Variants in PTPRN2 observed in about 807,000 individuals in gnomAD.
PTPRN2 encodes protein tyrosine phosphatase receptor type N2, also known as receptor-type tyrosine-protein phosphatase N2.
In PTPRN2, 74 loss-of-function variants were observed where a neutral mutation model predicts 118.8. The ratio of observed to expected loss-of-function variants is 0.62; its 90% CI spans 0.52 to 0.76. PTPRN2 has a LOEUF of 0.76. PTPRN2 is among the 30% of genes least tolerant of loss of function. The pLI, the probability that PTPRN2 is intolerant of heterozygous loss-of-function variation, is 0.00. For synonymous variants in PTPRN2, 641 were observed against 608.0 expected (o/e 1.05, Z -0.80); for missense variants, 1,481 against 1,394.4 (o/e 1.06, Z -0.99).
intron 11 of PTPRN2, among the ~76,000 whole-genome samples, chr7:158,015,000 C>T (rs57366560): frequency 0.014 from 2,142 of 152,326 alleles, 49 homozygotes; most frequent in African/African-American, 0.049. Flanking sequence ...AGAATAAGAA[C>T]TTCTCCTGAA....
At chr7:157,733,371 C>T (rs1190045070) in intron 12 of PTPRN2, among the ~76,000 whole-genome samples, 2 of 77,416 alleles carry the variant, frequency 2.6e-5, no homozygotes, top group African/African-American at 1.3e-4. Flanking sequence ...TACTCTTTTC[C>T]GTCCCATGCG....
chr7:157,966,089 A>G (rs1208960422), intron 11 of PTPRN2, among the ~76,000 whole-genome samples: 1 of 151,970 alleles, frequency 6.6e-6, no homozygotes, highest in African/African-American at 2.4e-5. Context: ...TTCCAACAGG[A>G]GTACTCAGCC....
At chr7:157,739,771 A>T (rs1268005880) in intron 12 of PTPRN2, among the ~76,000 whole-genome samples, 1 of 152,222 alleles carries the variant, frequency 6.6e-6, no homozygotes, top group Non-Finnish European at 1.5e-5. Flanking sequence ...TGTTTTTGGG[A>T]CACTCCAAGA....
intron 10 of PTPRN2, among the ~76,000 whole-genome samples, chr7:158,094,705 A>C (rs1399160400): frequency 1.3e-5 from 2 of 152,200 alleles, no homozygotes; most frequent in Non-Finnish European, 2.9e-5. Flanking sequence ...AACATTTAGA[A>C]GTAGAAGCAT....
intron 1 of PTPRN2, among the ~76,000 whole-genome samples, chr7:158,514,563 C>T (rs1324612546): frequency 6.6e-6 from 1 of 152,152 alleles, no homozygotes; most frequent in African/African-American, 2.4e-5. Flanking sequence ...GATGGCGATG[C>T]CTCCCACTGG....
chr7:158,201,186 C>T (rs1022361417), intron 4 of PTPRN2, among the ~76,000 whole-genome samples: 6 of 151,782 alleles, frequency 4.0e-5, no homozygotes, highest in Non-Finnish European at 5.9e-5. Flanking sequence ...AGTAGCCAGG[C>T]GCCACCACAC....
intron 2 of PTPRN2, among the ~76,000 whole-genome samples, chr7:158,436,592 C>G (rs575208573): frequency 6.6e-6 from 1 of 151,674 alleles, no homozygotes; most frequent in African/African-American, 2.4e-5. Flanking sequence ...TCTGTCTTTT[C>G]CTAAGAGTCA....
At chr7:158,147,634 C>CT (rs1820275128) in intron 6 of PTPRN2, among the ~76,000 whole-genome samples, 13 of 82,858 alleles carry the variant, frequency 1.6e-4, no homozygotes, top group Non-Finnish European at 1.9e-4. Flanking sequence ...GTCTTTCCCC[C>CT]TCAATGACAC....
intron 11 of PTPRN2, among the ~76,000 whole-genome samples, chr7:157,916,644 A>C (rs967930646): frequency 1.1e-4 from 16 of 152,206 alleles, no homozygotes; most frequent in African/African-American, 3.4e-4. Flanking sequence ...CACCACAAGC[A>C]CTGCTTCTGA....
Position 158,541,799 on chromosome 7 carries a change from A to G in PTPRN2, c.112+45759T>C, listed in dbSNP as rs1365954305. The G allele has an allele frequency of 3.2e-6, 3 of 946,006 alleles. No individual in the cohort carries two copies. In the East Asian group the frequency reaches 3.5e-4, roughly 110 times the overall value. The allele number at this position is 946,006 out of a possible 1,614,324, so 58.6% of individuals were successfully genotyped here. On this transcript the variant is annotated intron_variant, in intron 1 of 22. Coordinates refer to ENST00000389418, the MANE Select transcript of PTPRN2 (RefSeq NM_002847.5). ...GGGAAGTATCAGAGGAGAAGGGGCC[A>G]AGGCCGCTGGGGAAGCTGAGAGACT...
chr7:158,140,351 C>A (rs920544679), intron 6 of PTPRN2, among the ~76,000 whole-genome samples: 2 of 152,208 alleles, frequency 1.3e-5, no homozygotes, highest in African/African-American at 4.8e-5. Context: ...AGAAATTGGA[C>A]TCGTAAGTAT....
intron 2 of PTPRN2, among the ~76,000 whole-genome samples, chr7:158,332,997 C>T: frequency 7.2e-6 from 1 of 138,882 alleles, no homozygotes; most frequent in Admixed American, 6.9e-5. Flanking sequence ...ACGTCACTCA[C>T]ACCCACACTC....
At chr7:158,367,315 C>T (rs1809615394) in intron 2 of PTPRN2, among the ~76,000 whole-genome samples, 1 of 152,222 alleles carries the variant, frequency 6.6e-6, no homozygotes, top group African/African-American at 2.4e-5. Context: ...GCCATGAGCC[C>T]CCGATTCTCC....
intron 1 of PTPRN2, among the ~76,000 whole-genome samples, chr7:158,518,866 T>C (rs914652248): frequency 5.3e-5 from 8 of 152,218 alleles, no homozygotes; most frequent in Middle Eastern, 3.4e-3. Flanking sequence ...GTGCCTGTAA[T>C]CCCAGGTACT....
At chr7:158,174,508 T>A (rs1021442039) in intron 5 of PTPRN2, among the ~76,000 whole-genome samples, 2 of 151,322 alleles carry the variant, frequency 1.3e-5, no homozygotes, top group Non-Finnish European at 2.9e-5. Flanking sequence ...AGCAGCACCA[T>A]CATCATCCAC....
At chr7:157,724,898 A>G (rs1180011147) in intron 12 of PTPRN2, among the ~76,000 whole-genome samples, 1 of 152,248 alleles carries the variant, frequency 6.6e-6, no homozygotes, top group Admixed American at 6.5e-5. Context: ...AAGTAAATTA[A>G]AAGGCATGCA....
chr7:158,071,435 G>GGTGGTGTAGGTGCTC (rs1811603056), intron 11 of PTPRN2, among the ~76,000 whole-genome samples: 2 of 41,350 alleles, frequency 4.8e-5, no homozygotes, highest in African/African-American at 2.2e-4. Flanking sequence ...AGGTGCTCGT[G>GGTGGTGTAGGTGCTC]GTGGTGGAGG....
intron 3 of PTPRN2, among the ~76,000 whole-genome samples, chr7:158,263,867 G>A (rs1405063243): frequency 6.6e-6 from 1 of 152,176 alleles, no homozygotes. Flanking sequence ...GGCCGAGCCA[G>A]AGAGCAGCAC....
chr7:158,432,025 C>T (rs1216292533), intron 2 of PTPRN2, among the ~76,000 whole-genome samples: 1 of 152,268 alleles, frequency 6.6e-6, no homozygotes, highest in African/African-American at 2.4e-5. Flanking sequence ...CCAATCCACT[C>T]TAACAGGATC....
Sources: allele counts gnomAD v4.1 joint callset (sites outside exome capture counted in the v4.1 genomes callset), GRCh38; gene constraint gnomAD v4.1.1; transcripts MANE v1.5; gene names NCBI Gene and HGNC (gene_info 2026-07-23, HGNC 2026-07-21).